The following MAST1 variants were observed in gnomAD, a reference collection of about 807,000 sequenced individuals.
MAST1 encodes microtubule associated serine/threonine kinase 1, also known as microtubule-associated serine/threonine-protein kinase 1.
A neutral mutation model predicts 124.6 loss-of-function variants in MAST1; 40 were observed. The ratio of observed to expected loss-of-function variants is 0.32; its 90% confidence interval spans 0.25 to 0.42. The LOEUF is 0.42. MAST1 is among the 10% of genes least tolerant of loss of function. MAST1 has a pLI of 1.00. For synonymous variants in MAST1, 938 were observed against 939.4 expected, an observed-to-expected ratio of 1.00 and a Z score of 0.03; for missense variants, 1,558 against 2,181.9, an observed-to-expected ratio of 0.71 and a Z score of 5.70.
intron 12 of MAST1, among the ~76,000 whole-genome samples, chr19:12,861,395 T>C (rs932340917): frequency 1.3e-5 from 2 of 152,098 alleles, no homozygotes; most frequent in African/African-American, 4.8e-5. Context: ...ATGAGGTCCA[T>C]GAGGCTGGAG....
At position 12,841,973 on chromosome 19, in the gene MAST1, T is replaced by C. The variant is rs1406229753; in HGVS notation, c.248+907T>C. 2.6e-5 allele frequency among the ~76,000 whole-genome samples: 4 copies of C among 152,040 alleles called. No homozygotes were observed. Among genetic ancestry groups the C allele is most frequent in the Non-Finnish European group, 4.4e-5 (3 of 67,984 alleles). Reference sequence around the variant, plus strand: ...GGGGAGGACTGAGCGAGGGGACTGCTGGGAGGAAGAAGGAAGGGAGGAGTC... The same window carrying C: ...GGGGAGGACTGAGCGAGGGGACTGCCGGGAGGAAGAAGGAAGGGAGGAGTC... On this transcript the variant is annotated intron_variant, in intron 3 of 25. Coordinates refer to ENST00000251472, the MANE Select transcript of MAST1 (RefSeq NM_014975.3). This position sits in a 1 kb window ranked among gnomAD's most constrained non-coding sequence, Gnocchi z 4.3.
chr19:12,856,440 T>C (rs1230848197), intron 10 of MAST1, among the ~76,000 whole-genome samples: 1 of 151,990 alleles, frequency 6.6e-6, no homozygotes, highest in East Asian at 1.9e-4. Context: ...GCAGCTGGGA[T>C]TATAGGCAAC....
Position 12,865,736 on chromosome 19 carries a change from G to A in MAST1, c.1824G>A (p.Glu608=). ...TTGCAGATGACATCCTGTGGCCCGA[G>A]GGGGATGAGGCCCTACCTACGGAGG... ...QVISDDILWP[E]GDEALPTEAQ... The change falls in exon 16 of 26, where the codon GAG becomes GAA. Residue 608 remains glutamate, a synonymous_variant. Transcript: ENST00000251472. The surrounding 1 kb of genome is among the most constrained non-coding windows in gnomAD (Gnocchi z 7.1). The A allele has an allele frequency of 6.2e-7, 1 of 1,612,786 alleles. No individual in the cohort carries two copies. The highest frequency in any genetic ancestry group is 8.5e-7 in the Non-Finnish European group (1 of 1,179,402).
At chr19:12,860,392 A>C (rs1293129049) in intron 12 of MAST1, among the ~76,000 whole-genome samples, 2 of 150,808 alleles carry the variant, frequency 1.3e-5, no homozygotes, top group African/African-American at 4.9e-5. Context: ...CTGTGATTAC[A>C]GGCGTGAACC....
chr19:12,874,726 A>C lies in MAST1; in HGVS notation c.4569A>C (p.Ala1523=), dbSNP rs371283929. Residue 1523 remains alanine (A), a synonymous_variant, in exon 26 of 26, where the codon GCA becomes GCC. Transcript: ENST00000251472. The surrounding 1 kb of genome is among the most constrained non-coding windows in gnomAD (Gnocchi z 6.6). ...APAKCSAPSS[A]VTPVPPASLL... is the part of the protein sequence containing the mutation. ...CGAAGTGCAGTGCACCCAGCAGTGC[A>C]GTGACCCCAGTCCCACCCGCATCCC... 1.4e-4 allele frequency: 229 copies of C among 1,598,378 alleles called. No homozygotes were observed. The highest frequency in any genetic ancestry group is 1.9e-4 in the Non-Finnish European group (217 of 1,168,548).
intron 12 of MAST1, among the ~76,000 whole-genome samples, chr19:12,864,097 G>C (rs542057194): frequency 6.6e-6 from 1 of 152,084 alleles, no homozygotes; most frequent in Admixed American, 6.6e-5. Context: ...GCTAACTTTA[G>C]TATTCTTTTT....
rs781257288 is a variant in MAST1 at position 12,864,894 on chromosome 19, C to G, written c.1452C>G (p.Ala484=). 3.1e-6 allele frequency: 5 copies of G among 1,614,108 alleles called. No individual in the cohort carries two copies. Among genetic ancestry groups the G allele is most frequent in the Non-Finnish European group, 4.2e-6 (5 of 1,180,016 alleles). ...ARMYFAETVL[A]LEYLHNYGIV... is the part of the protein sequence containing the mutation. ...TGTACTTTGCTGAGACGGTGCTAGC[C>G]CTGGAGTATTTGCACAACTATGGCA... Residue 484 remains alanine, a synonymous_variant, in exon 13 of 26, where the codon GCC becomes GCG. Coordinates refer to ENST00000251472, the MANE Select transcript of MAST1 (RefSeq NM_014975.3).
At position 12,868,628 on chromosome 19, in the gene MAST1, T is replaced by C. The variant is rs766133990; in HGVS notation, c.2567-15T>C. The C allele has an allele frequency of 2.9e-5, 45 of 1,563,400 alleles. No individual in the cohort carries two copies. The highest frequency in any genetic ancestry group is 3.6e-5 in the Non-Finnish European group (42 of 1,152,644). On this transcript the variant is annotated splice_polypyrimidine_tract_variant and intron_variant, in intron 20 of 25. Coordinates refer to ENST00000251472, the MANE Select transcript of MAST1 (RefSeq NM_014975.3). ...GCCTTGGACTAATTCCTAACACACT[T>C]GCTTTCTGTTGCAGCTGACCGTCCA...
At chr19:12,871,463 C>G (rs1462785755) in intron 24 of MAST1, among the ~76,000 whole-genome samples, 1 of 151,978 alleles carries the variant, frequency 6.6e-6, no homozygotes, top group African/African-American at 2.4e-5. Flanking sequence ...AAAAATTAGC[C>G]TGGCATGGTG....
At chr19:12,868,067 G>T in intron 20 of MAST1, 90 bp downstream of exon 20, 3 of 1,193,672 alleles carry the variant, frequency 2.5e-6, no homozygotes, top group Non-Finnish European at 3.4e-6. Context: ...TGCTGTTTAT[G>T]AAAGATCTCA....
rs1425831977 is a variant in MAST1 at position 12,838,831 on chromosome 19, T to TG, written c.83+182dup. 1.3e-4 allele frequency among the ~76,000 whole-genome samples: 14 copies of TG among 109,322 alleles called. No individual in the cohort carries two copies. The highest frequency in any genetic ancestry group is 1.1e-3 in the Admixed American group (13 of 12,128). The allele number at this position is 109,322 out of a possible 152,430, so 71.7% of individuals were successfully genotyped here. A position where few individuals can be genotyped will look rare whatever the true frequency, so the allele number is the denominator to read the frequency against. ...AATGGGGGGTGGTGTGGGCCGAGTC[T>TG]GGGGGGCTTGCACGCTGGAGAGGAC... On this transcript the variant is annotated intron_variant, in intron 1 of 25. Transcript: ENST00000251472. This position sits in a 1 kb window ranked among gnomAD's most constrained non-coding sequence, Gnocchi z 4.3.
Position 12,838,806 on chromosome 19 carries a change from A to C in MAST1, c.83+151A>C, listed in dbSNP as rs1398041896. 1 of 656,032 alleles carries C rather than the reference A, an allele frequency of 1.5e-6. No individual in the cohort carries two copies. The highest frequency in any genetic ancestry group is 2.9e-5 in the Admixed American group (1 of 35,020). 40.6% of individuals were successfully genotyped at this position (656,032 alleles called of 1,614,324 possible). Reference sequence around the variant, plus strand: ...CGCCTTCCCGCCGGGGTTGGGGTTGAATGGGGGGTGGTGTGGGCCGAGTCT... The same window carrying C: ...CGCCTTCCCGCCGGGGTTGGGGTTGCATGGGGGGTGGTGTGGGCCGAGTCT... On this transcript the variant is annotated intron_variant, in intron 1 of 25. Transcript: ENST00000251472. This position sits in a 1 kb window ranked among gnomAD's most constrained non-coding sequence, Gnocchi z 4.3.
At position 12,843,473 on chromosome 19, in the gene MAST1, G is replaced by A. The variant is rs1374652273; in HGVS notation, c.249-56G>A. 1 of 1,416,698 alleles carries A rather than the reference G, an allele frequency of 7.1e-7. No homozygotes were observed. Among genetic ancestry groups the A allele is most frequent in the Non-Finnish European group, 9.9e-7 (1 of 1,006,894 alleles). 87.8% of individuals were successfully genotyped at this position (1,416,698 alleles called of 1,614,324 possible). Reference sequence around the variant, plus strand: ...GCCAGTGGCTTCACCCACACCCTGAGGAGTTGGGGGACCGCTGGGGCCTTG... The same window carrying A: ...GCCAGTGGCTTCACCCACACCCTGAAGAGTTGGGGGACCGCTGGGGCCTTG... On this transcript the variant is annotated intron_variant, in intron 3 of 25. Coordinates refer to ENST00000251472, the MANE Select transcript of MAST1 (RefSeq NM_014975.3). This position sits in a 1 kb window ranked among gnomAD's most constrained non-coding sequence, Gnocchi z 4.9.
intron 1 of MAST1, among the ~76,000 whole-genome samples, chr19:12,839,447 A>T (rs1969800962): frequency 6.6e-6 from 1 of 152,230 alleles, no homozygotes; most frequent in Non-Finnish European, 1.5e-5. Flanking sequence ...CAAGAATGTC[A>T]CAACACACGA....
At chr19:12,848,097 AC>A in intron 7 of MAST1, 40 bp downstream of exon 7, 1 of 1,578,268 alleles carries the variant, frequency 6.3e-7, no homozygotes, top group Non-Finnish European at 8.7e-7. Flanking sequence ...CAGGCTCAGC[AC>A]CGCCAGATTG....
chr19:12,856,979 C>A (rs1223942649), intron 10 of MAST1, among the ~76,000 whole-genome samples: 1 of 152,112 alleles, frequency 6.6e-6, no homozygotes, highest in Non-Finnish European at 1.5e-5. Flanking sequence ...ACATATTTGC[C>A]CATAGAGGAT....
intron 12 of MAST1, chr19:12,859,010 C>T (rs1970048734): frequency 1.9e-6 from 1 of 531,172 alleles, no homozygotes; most frequent in East Asian, 2.9e-5. Flanking sequence ...TACTGATGTG[C>T]TAATCCATCT....
At chr19:12,858,131 T>C (rs1432052071) in intron 10 of MAST1, among the ~76,000 whole-genome samples, 1 of 151,978 alleles carries the variant, frequency 6.6e-6, no homozygotes, top group Non-Finnish European at 1.5e-5. Flanking sequence ...TATATTTATA[T>C]ATTAGGATGA....
At chr19:12,839,011 C>T (rs1465609980) in intron 1 of MAST1, among the ~76,000 whole-genome samples, 1 of 152,050 alleles carries the variant, frequency 6.6e-6, no homozygotes, top group African/African-American at 2.4e-5. Context: ...CCTCCCCCCA[C>T]CCCCATGCCG....
Sources: allele counts gnomAD v4.1 joint callset (sites outside exome capture counted in the v4.1 genomes callset), GRCh38; gene constraint gnomAD v4.1.1; non-coding constraint Gnocchi (gnomAD v3.1); transcripts MANE v1.5; gene names NCBI Gene and HGNC (gene_info 2026-07-23, HGNC 2026-07-21).